CCBE1: variants seen among roughly 807,000 people sequenced by gnomAD.
CCBE1 encodes collagen and calcium-binding EGF domain-containing protein 1.
A neutral mutation model predicts 50.0 loss-of-function variants in CCBE1; 37 were observed. The ratio of observed to expected loss-of-function variants is 0.74; its 90% CI spans 0.57 to 0.97. CCBE1 has a LOEUF of 0.97. Among genes scored for constraint, CCBE1 ranks in the 50% least tolerant of loss-of-function variants. The probability of loss-of-function intolerance (pLI) is 0.00; values close to 1 mark genes in which losing one functional copy is unlikely to be tolerated. For synonymous variants in CCBE1, 234 were observed against 203.7 expected, an observed-to-expected ratio of 1.15 and a Z score of -1.27; for missense variants, 538 against 523.8, an observed-to-expected ratio of 1.03 and a Z score of -0.26.
intron 2 of CCBE1, among the ~76,000 whole-genome samples, chr18:59,669,593 G>T (rs1292235700): frequency 6.6e-6 from 1 of 152,212 alleles, no homozygotes; most frequent in Non-Finnish European, 1.5e-5. Context: ...TGTCCCTGTG[G>T]CTGCAAGAAA....
At chr18:59,629,909 G>C (rs1048143990) in intron 2 of CCBE1, among the ~76,000 whole-genome samples, 6 of 152,178 alleles carry the variant, frequency 3.9e-5, no homozygotes, top group African/African-American at 1.2e-4. Context: ...CTTCATCCCA[G>C]TTCTCTGCGT....
chr18:59,569,206 T>G (rs2052871480), intron 2 of CCBE1, among the ~76,000 whole-genome samples: 1 of 152,224 alleles, frequency 6.6e-6, no homozygotes, highest in Non-Finnish European at 1.5e-5. Flanking sequence ...TCATAAGGGC[T>G]GGGTTGGCTG....
chr18:59,465,537 A>G (rs1410165312), intron 5 of CCBE1: 1 of 152,238 alleles, frequency 6.6e-6, no homozygotes, highest in Non-Finnish European at 1.5e-5. Flanking sequence ...GCTTTTAGAA[A>G]TTTTCCAACT....
intron 2 of CCBE1, among the ~76,000 whole-genome samples, chr18:59,550,165 C>T (rs1006869246): frequency 6.6e-6 from 1 of 152,162 alleles, no homozygotes; most frequent in African/African-American, 2.4e-5. Context: ...GCCAGCAAAA[C>T]CACCACAAGC....
At chr18:59,457,748 A>C in intron 5 of CCBE1, among the ~76,000 whole-genome samples, 1 of 152,226 alleles carries the variant, frequency 6.6e-6, no homozygotes, top group East Asian at 1.9e-4. Context: ...AATTAAGTCC[A>C]ATACCTTTTC....
At chr18:59,500,956 A>T (rs926308668) in intron 2 of CCBE1, among the ~76,000 whole-genome samples, 2 of 152,174 alleles carry the variant, frequency 1.3e-5, no homozygotes, top group East Asian at 3.9e-4. Context: ...GAATCCCCAC[A>T]ACCACCCACA....
intron 2 of CCBE1, among the ~76,000 whole-genome samples, chr18:59,645,813 C>T (rs1261710168): frequency 2.0e-5 from 3 of 152,178 alleles, no homozygotes; most frequent in East Asian, 1.9e-4. Flanking sequence ...GGGCGGATCA[C>T]AAGATCAGGA....
rs535969390 is a variant in CCBE1 at position 59,514,772 on chromosome 18, A to C, written c.213-34534T>G. On this transcript the variant is annotated intron_variant, in intron 2 of 10. Transcript: ENST00000439986. ...ACACAGAATGCCTTTCCAATCACTA[A>C]AACATCAAGGAGAAGTCATCAGTTT... Among the ~76,000 whole-genome samples the C allele has an allele frequency of 3.9e-5, 6 of 152,216 alleles. No homozygotes were observed. The South Asian group carries it at 1.0e-3, about 26-fold the overall frequency.
At chr18:59,451,193 T>C (rs746541231) in intron 6 of CCBE1, among the ~76,000 whole-genome samples, 30 of 152,070 alleles carry the variant, frequency 2.0e-4, no homozygotes, top group Non-Finnish European at 3.2e-4. Context: ...CCTGAATGAT[T>C]ATCCACACTT....
chr18:59,646,995 C>T (rs973297389), intron 2 of CCBE1, among the ~76,000 whole-genome samples: 4 of 152,228 alleles, frequency 2.6e-5, no homozygotes, highest in African/African-American at 9.6e-5. Flanking sequence ...TCTGATCTTT[C>T]CGTGGGCCTA....
intron 2 of CCBE1, among the ~76,000 whole-genome samples, chr18:59,546,723 C>G (rs964783333): frequency 6.6e-6 from 1 of 152,118 alleles, no homozygotes; most frequent in Admixed American, 6.5e-5. Flanking sequence ...TTAGTCTGTT[C>G]TTTGCATTTT....
chr18:59,662,939 C>T (rs1309469991), intron 2 of CCBE1, among the ~76,000 whole-genome samples: 2 of 152,150 alleles, frequency 1.3e-5, no homozygotes, highest in African/African-American at 4.8e-5. Flanking sequence ...AAAAAATAAA[C>T]ATATATAAGG....
At chr18:59,619,924 A>G (rs563124822) in intron 2 of CCBE1, among the ~76,000 whole-genome samples, 5 of 152,350 alleles carry the variant, frequency 3.3e-5, no homozygotes, top group African/African-American at 1.2e-4. Context: ...CAATTCTTCC[A>G]ACACAAGCCA....
intron 2 of CCBE1, among the ~76,000 whole-genome samples, chr18:59,581,511 CA>C (rs2053083934): frequency 6.6e-6 from 1 of 151,540 alleles, no homozygotes; most frequent in Non-Finnish European, 1.5e-5. Flanking sequence ...GGGTAACTAA[CA>C]GACCCTAGTT....
chr18:59,490,353 T>A (rs934680665), intron 2 of CCBE1, among the ~76,000 whole-genome samples: 23 of 151,560 alleles, frequency 1.5e-4, no homozygotes, highest in African/African-American at 5.6e-4. Context: ...CACAAGTGGT[T>A]CTCTTTATGC....
At chr18:59,622,607 C>T (rs2053727430) in intron 2 of CCBE1, among the ~76,000 whole-genome samples, 1 of 151,364 alleles carries the variant, frequency 6.6e-6, no homozygotes, top group Non-Finnish European at 1.5e-5. Flanking sequence ...TCTAGACCAG[C>T]CTGACCAACG....
intron 2 of CCBE1, among the ~76,000 whole-genome samples, chr18:59,626,154 T>C (rs1309569203): frequency 6.6e-6 from 1 of 152,162 alleles, no homozygotes. Context: ...GGCACTCAAT[T>C]TGACCAATCT....
intron 2 of CCBE1, among the ~76,000 whole-genome samples, chr18:59,669,515 A>G (rs1190484572): frequency 2.6e-5 from 4 of 152,226 alleles, no homozygotes; most frequent in African/African-American, 9.6e-5. Context: ...TGGAGTCAAG[A>G]GAGTCACTAC....
At chr18:59,621,838 C>T (rs758871770) in intron 2 of CCBE1, among the ~76,000 whole-genome samples, 28 of 152,150 alleles carry the variant, frequency 1.8e-4, no homozygotes, top group Non-Finnish European at 3.8e-4. Context: ...AATCAAACAT[C>T]ACGAACATCA....
Sources: allele counts gnomAD v4.1 joint callset (sites outside exome capture counted in the v4.1 genomes callset), GRCh38; gene constraint gnomAD v4.1.1; transcripts MANE v1.5; gene names NCBI Gene and HGNC (gene_info 2026-07-23, HGNC 2026-07-21).